Variants in PTPRG observed in about 807,000 individuals in gnomAD.
PTPRG encodes receptor-type tyrosine-protein phosphatase gamma.
PTPRG carries 102 observed loss-of-function variants against 165.3 expected under a neutral mutation model. The observed-to-expected ratio is 0.62, with a 90% CI of 0.53 to 0.73. The LOEUF is 0.73. PTPRG is among the 30% of genes least tolerant of loss of function. The pLI, the probability that PTPRG is intolerant of heterozygous loss-of-function variation, is 0.00. For synonymous variants in PTPRG, 675 were observed against 669.5 expected (o/e 1.01, Z -0.13); for missense variants, 1,866 against 1,861.4 (o/e 1.00, Z -0.05).
At chr3:61,820,489 AG>A (rs2035918154) in intron 2 of PTPRG, among the ~76,000 whole-genome samples, 1 of 152,050 alleles carries the variant, frequency 6.6e-6, no homozygotes, top group African/African-American at 2.4e-5. Flanking sequence ...ACCCACTAAG[AG>A]ATAATGTTTA....
At chr3:61,649,630 A>G (rs1218005399) in intron 1 of PTPRG, among the ~76,000 whole-genome samples, 1 of 152,180 alleles carries the variant, frequency 6.6e-6, no homozygotes, top group East Asian at 1.9e-4. Context: ...GACAACACCT[A>G]CGTTTTGGAG....
intron 2 of PTPRG, among the ~76,000 whole-genome samples, chr3:61,987,909 A>C (rs986195321): frequency 2.0e-5 from 3 of 152,082 alleles, no homozygotes; most frequent in Admixed American, 6.6e-5. Context: ...CCAAAATAAA[A>C]TTTGGCTAAA....
chr3:62,102,580 T>C (rs1223384691), intron 5 of PTPRG, among the ~76,000 whole-genome samples: 1 of 152,182 alleles, frequency 6.6e-6, no homozygotes, highest in Non-Finnish European at 1.5e-5. Flanking sequence ...CTGGACACCT[T>C]TCTTTGAAAA....
chr3:61,647,601 T>A (rs1026235773), intron 1 of PTPRG, among the ~76,000 whole-genome samples: 1 of 151,946 alleles, frequency 6.6e-6, no homozygotes, highest in African/African-American at 2.4e-5. Flanking sequence ...CCATCCTGGC[T>A]AACACAGTGA....
chr3:62,268,186 A>G (rs1283747983), intron 19 of PTPRG, among the ~76,000 whole-genome samples: 6 of 152,132 alleles, frequency 3.9e-5, no homozygotes, highest in African/African-American at 1.2e-4. Context: ...GGGACAGACA[A>G]CAGTAAACAG....
chr3:61,701,333 T>C (rs746770901), intron 1 of PTPRG, among the ~76,000 whole-genome samples: 12 of 152,124 alleles, frequency 7.9e-5, no homozygotes, highest in Middle Eastern at 3.2e-3. Context: ...CAATATCATG[T>C]TGGATGCAAG....
intron 1 of PTPRG, among the ~76,000 whole-genome samples, chr3:61,744,774 T>C (rs2033131516): frequency 6.6e-6 from 1 of 152,242 alleles, no homozygotes; most frequent in Non-Finnish European, 1.5e-5. Flanking sequence ...TTAAAAGTCC[T>C]GCCCTGTTCA....
chr3:62,258,813 C>T (rs1295424825), intron 16 of PTPRG, among the ~76,000 whole-genome samples: 1 of 152,184 alleles, frequency 6.6e-6, no homozygotes, highest in East Asian at 1.9e-4. Context: ...CTAACTTCAA[C>T]CTCATTGTCC....
intron 2 of PTPRG, among the ~76,000 whole-genome samples, chr3:61,941,469 A>G (rs1017710691): frequency 1.3e-5 from 2 of 152,090 alleles, no homozygotes; most frequent in African/African-American, 4.8e-5. Context: ...CTAAAATACA[A>G]AAAATTAGCC....
At chr3:61,800,785 AGGCACCC>A in intron 2 of PTPRG, among the ~76,000 whole-genome samples, 1 of 151,744 alleles carries the variant, frequency 6.6e-6, no homozygotes, top group East Asian at 1.9e-4. Flanking sequence ...CTGGGATTAC[AGGCACCC>A]GCCACCACGC....
chr3:61,806,644 G>T (rs1428980183), intron 2 of PTPRG, among the ~76,000 whole-genome samples: 1 of 152,080 alleles, frequency 6.6e-6, no homozygotes, highest in Non-Finnish European at 1.5e-5. Context: ...TAGCAAACCT[G>T]TGTTGGTTAT....
intron 4 of PTPRG, among the ~76,000 whole-genome samples, chr3:62,038,699 C>T (rs1480969337): frequency 2.0e-5 from 3 of 152,082 alleles, no homozygotes; most frequent in African/African-American, 7.2e-5. Context: ...CCCGGCCATG[C>T]TTTGTTTCTT....
chr3:62,067,196 G>A (rs1701045235), intron 4 of PTPRG, among the ~76,000 whole-genome samples: 1 of 151,996 alleles, frequency 6.6e-6, no homozygotes, highest in Non-Finnish European at 1.5e-5. Context: ...GTTGACAGGG[G>A]GTGTAGGACA....
At chr3:62,173,196 C>T (rs527592685) in intron 8 of PTPRG, among the ~76,000 whole-genome samples, 2 of 152,100 alleles carry the variant, frequency 1.3e-5, no homozygotes, top group African/African-American at 4.8e-5. Context: ...AGTTGTTATA[C>T]TCTACTGATT....
rs565644185 is a variant in PTPRG at position 61,581,616 on chromosome 3, T to C, written c.85+19244T>C. ...ATGGTTGCTTCTTTTTTTCTTTTTTTTTTTTTTTTTTATGAGACAGTCTCG... is the reference window on the plus strand; with the variant it reads ...ATGGTTGCTTCTTTTTTTCTTTTTTCTTTTTTTTTTTATGAGACAGTCTCG... On this transcript the variant is annotated intron_variant, in intron 1 of 29. Transcript: ENST00000474889. 6.0e-5 allele frequency among the ~76,000 whole-genome samples: 9 copies of C among 150,066 alleles called. No individual in the cohort carries two copies. In the South Asian group the frequency reaches 6.4e-4, roughly 11 times the overall value.
chr3:62,247,602 A>ATCCT lies in PTPRG; in HGVS notation c.2467+3704_2467+3705insTCCT, dbSNP rs1159426161. Among the ~76,000 whole-genome samples the ATCCT allele has an allele frequency of 7.9e-5, 12 of 152,200 alleles. No homozygotes were observed. In the East Asian group the frequency reaches 1.9e-3, roughly 25 times the overall value. The stretch of plus-strand genomic sequence containing the variant: ...TATTTTTATTCTTTTCCTTCCTGAG[A>ATCCT]GAAAGACTCAACTCAGCAAGACATC... On this transcript the variant is annotated intron_variant, in intron 15 of 29. Coordinates refer to ENST00000474889, the MANE Select transcript of PTPRG (RefSeq NM_002841.4).
chr3:61,843,907 A>G (rs982075492), intron 2 of PTPRG, among the ~76,000 whole-genome samples: 2 of 151,676 alleles, frequency 1.3e-5, no homozygotes, highest in Non-Finnish European at 2.9e-5. Flanking sequence ...GAAGTAAAAT[A>G]ATATTATAGT....
At chr3:61,838,678 A>G (rs1194938741) in intron 2 of PTPRG, among the ~76,000 whole-genome samples, 1 of 152,220 alleles carries the variant, frequency 6.6e-6, no homozygotes, top group Admixed American at 6.5e-5. Flanking sequence ...ACTAAGTTTT[A>G]TTTCAATAAC....
chr3:61,876,311 G>A (rs752422105), intron 2 of PTPRG, among the ~76,000 whole-genome samples: 24 of 152,154 alleles, frequency 1.6e-4, no homozygotes, highest in Non-Finnish European at 1.9e-4. Flanking sequence ...ACAGCTAAAT[G>A]TAATGTGGGA....
Sources: allele counts gnomAD v4.1 joint callset (sites outside exome capture counted in the v4.1 genomes callset), GRCh38; gene constraint gnomAD v4.1.1; transcripts MANE v1.5; gene names NCBI Gene and HGNC (gene_info 2026-07-23, HGNC 2026-07-21).